Variants in SLC25A48 observed in about 807,000 individuals in gnomAD.
SLC25A48 encodes solute carrier family 25 member 48.
Under a neutral mutation model 32.2 loss-of-function variants are expected in SLC25A48, and 29 were observed. That is an observed-to-expected ratio of 0.90 (90% CI 0.67 to 1.23). SLC25A48 has a LOEUF of 1.23. Among genes scored for constraint, SLC25A48 ranks in the 50% most tolerant of loss-of-function variants. SLC25A48 has a pLI of 0.00. For missense variants in SLC25A48, 399 were observed against 422.7 expected (o/e 0.94, Z 0.49); for synonymous variants, 164 against 172.3 (o/e 0.95, Z 0.38).
At chr5:135,758,050 C>T (rs973088707) in intron 3 of SLC25A48, among the ~76,000 whole-genome samples, 1 of 150,552 alleles carries the variant, frequency 6.6e-6, no homozygotes, top group Admixed American at 6.6e-5. Flanking sequence ...AATATCATCT[C>T]TATGATATTT....
At chr5:135,876,415 GT>G (rs1762064082) in intron 6 of SLC25A48, 1 of 152,070 alleles carries the variant, frequency 6.6e-6, no homozygotes, top group African/African-American at 2.4e-5. Context: ...TCTCGATAGC[GT>G]TTGGTCCTCA....
At chr5:135,653,890 G>A (rs1192199862) in intron 3 of SLC25A48, 2 of 456,188 alleles carry the variant, frequency 4.4e-6, no homozygotes, top group African/African-American at 2.0e-5. Context: ...CACAGCCACA[G>A]GGCAAGCATA....
chr5:135,755,746 GAT>G (rs556301558), intron 3 of SLC25A48, among the ~76,000 whole-genome samples: 2 of 150,678 alleles, frequency 1.3e-5, no homozygotes, highest in Non-Finnish European at 3.0e-5. Flanking sequence ...ATATCGCTGT[GAT>G]ATATATATAT....
At chr5:135,642,075 A>G (rs1752852185) in intron 3 of SLC25A48, among the ~76,000 whole-genome samples, 2 of 152,236 alleles carry the variant, frequency 1.3e-5, no homozygotes, top group South Asian at 4.1e-4. Context: ...CTCCAATGCT[A>G]TGGATATGCC....
intron 3 of SLC25A48, among the ~76,000 whole-genome samples, chr5:135,661,768 A>C (rs542342241): frequency 6.6e-6 from 1 of 152,296 alleles, no homozygotes; most frequent in African/African-American, 2.4e-5. Flanking sequence ...TTCTCACTTC[A>C]GAATAAATCC....
chr5:135,599,030 C>A (rs1751725020), intron 1 of SLC25A48, among the ~76,000 whole-genome samples: 2 of 151,880 alleles, frequency 1.3e-5, no homozygotes, highest in African/African-American at 4.8e-5. Flanking sequence ...TGTGTCTGAC[C>A]TCCCTTCTCG....
At chr5:135,663,531 G>C (rs1305451557) in intron 3 of SLC25A48, among the ~76,000 whole-genome samples, 1 of 152,176 alleles carries the variant, frequency 6.6e-6, no homozygotes, top group African/African-American at 2.4e-5. Context: ...CATCTGCATG[G>C]AAATCCTTCT....
intron 3 of SLC25A48, among the ~76,000 whole-genome samples, chr5:135,662,170 C>A (rs968735588): frequency 6.6e-6 from 1 of 152,124 alleles, no homozygotes; most frequent in Non-Finnish European, 1.5e-5. Flanking sequence ...TTTCAAGTTG[C>A]ATTTCTCTAA....
chr5:135,859,643 A>G (rs1379080865), intron 4 of SLC25A48, among the ~76,000 whole-genome samples: 1 of 152,190 alleles, frequency 6.6e-6, no homozygotes, highest in Non-Finnish European at 1.5e-5. Context: ...GAAGGGATGG[A>G]GATGGCTAGG....
At position 135,655,960 on chromosome 5, in the gene SLC25A48, G is replaced by C. The variant is rs541732555; in HGVS notation, c.-521+21004G>C. Among the ~76,000 whole-genome samples, 5 of 152,272 alleles carry C rather than the reference G, an allele frequency of 3.3e-5. No homozygotes were observed. In the East Asian group the frequency reaches 9.6e-4, roughly 29 times the overall value. On this transcript the variant is annotated intron_variant, in intron 3 of 10. Coordinates refer to the SLC25A48 transcript ENST00000646290. ...GTTCATCATTATTCCCCACTGACAT[G>C]CATGATTGCCCTCTTTCTGTCAATT...
intron 3 of SLC25A48, among the ~76,000 whole-genome samples, chr5:135,741,743 A>G (rs1755505983): frequency 6.6e-6 from 1 of 152,204 alleles, no homozygotes; most frequent in Admixed American, 6.5e-5. Context: ...CCTCTCTCAA[A>G]CAAAAAACAT....
chr5:135,630,120 A>G (rs1752522506), intron 2 of SLC25A48, among the ~76,000 whole-genome samples: 1 of 152,164 alleles, frequency 6.6e-6, no homozygotes, highest in Admixed American at 6.5e-5. Flanking sequence ...TGGCTCAGCT[A>G]GAATATGGGA....
intron 3 of SLC25A48, among the ~76,000 whole-genome samples, chr5:135,780,205 G>C (rs1315097062): frequency 2.6e-5 from 2 of 75,564 alleles, no homozygotes; most frequent in African/African-American, 7.8e-5. Flanking sequence ...TCCTGCCTCA[G>C]CCTCTCAAGT....
At chr5:135,610,106 C>G (rs2126889945) in intron 1 of SLC25A48, among the ~76,000 whole-genome samples, 1 of 152,238 alleles carries the variant, frequency 6.6e-6, no homozygotes, top group East Asian at 1.9e-4. Flanking sequence ...GAAAACAAGC[C>G]AGGTCTGGAA....
chr5:135,818,103 CT>C (rs1757783514), intron 4 of SLC25A48, among the ~76,000 whole-genome samples: 3 of 112,388 alleles, frequency 2.7e-5, no homozygotes, highest in East Asian at 2.3e-4. Flanking sequence ...CTCTCTCTCT[CT>C]CTCTCTCTCT....
At chr5:135,675,263 T>C (rs1004795678) in intron 3 of SLC25A48, among the ~76,000 whole-genome samples, 14 of 152,034 alleles carry the variant, frequency 9.2e-5, no homozygotes, top group Non-Finnish European at 1.9e-4. Context: ...AGATGAATAG[T>C]TTGAAAATAT....
chr5:135,825,068 C>T (rs1757997646), intron 4 of SLC25A48: 2 of 152,206 alleles, frequency 1.3e-5, no homozygotes, highest in Non-Finnish European at 2.9e-5. Context: ...AAAGAGAGAA[C>T]AGCAGCAGCA....
At chr5:135,746,610 G>T (rs1755648549) in intron 3 of SLC25A48, among the ~76,000 whole-genome samples, 1 of 152,182 alleles carries the variant, frequency 6.6e-6, no homozygotes, top group African/African-American at 2.4e-5. Context: ...ACTCACTTCT[G>T]TTCCTTTTCA....
At chr5:135,731,772 C>G (rs1580822372) in intron 3 of SLC25A48, among the ~76,000 whole-genome samples, 1 of 152,220 alleles carries the variant, frequency 6.6e-6, no homozygotes, top group Non-Finnish European at 1.5e-5. Context: ...GGAGGTTCAG[C>G]ATGGCCCTGC....
Sources: allele counts gnomAD v4.1 joint callset (sites outside exome capture counted in the v4.1 genomes callset), GRCh38; gene constraint gnomAD v4.1.1; transcripts MANE v1.5; gene names NCBI Gene and HGNC (gene_info 2026-07-23, HGNC 2026-07-21).